GRM8: variants seen among roughly 807,000 people sequenced by gnomAD.
GRM8 encodes the protein glutamate metabotropic receptor 8.
A neutral mutation model predicts 87.2 loss-of-function variants in GRM8; 47 were observed. That is an observed-to-expected ratio of 0.54 (90% CI 0.43 to 0.69). GRM8 has a LOEUF of 0.69. GRM8 is among the 30% of genes least tolerant of loss of function. The pLI is 0.00. For synonymous variants in GRM8, 396 were observed against 404.5 expected (o/e 0.98, Z 0.25); for missense variants, 1,019 against 1,139.2 (o/e 0.89, Z 1.52).
chr7:127,050,992 C>G (rs1253127004), intron 3 of GRM8, among the ~76,000 whole-genome samples: 4 of 151,886 alleles, frequency 2.6e-5, no homozygotes, highest in African/African-American at 9.7e-5. Flanking sequence ...AAATTCCAAG[C>G]TAGTAGATTT....
At chr7:127,025,211 C>A (rs748724568) in intron 3 of GRM8, among the ~76,000 whole-genome samples, 11 of 152,000 alleles carry the variant, frequency 7.2e-5, no homozygotes, top group Non-Finnish European at 1.3e-4. Flanking sequence ...TCTTCCTGTT[C>A]CCAGAACAAG....
chr7:126,988,748 A>G (rs528707473), intron 3 of GRM8, among the ~76,000 whole-genome samples: 4 of 152,372 alleles, frequency 2.6e-5, no homozygotes, highest in Admixed American at 2.6e-4. Context: ...TAACAGGAAC[A>G]TACAAACTAT....
chr7:127,209,557 G>A (rs1431704234), intron 2 of GRM8, among the ~76,000 whole-genome samples: 1 of 152,188 alleles, frequency 6.6e-6, no homozygotes, highest in East Asian at 1.9e-4. Context: ...TGGCAGGAGT[G>A]GAGTGAACCA....
At chr7:127,053,787 CAA>C (rs201005387) in intron 3 of GRM8, among the ~76,000 whole-genome samples, 9,225 of 42,136 alleles carry the variant, frequency 0.22, 379 homozygotes, top group African/African-American at 0.32. Context: ...GACTCTGTCT[CAA>C]AAAAAAAAAG....
At chr7:127,130,468 T>C (rs752182127) in intron 2 of GRM8, among the ~76,000 whole-genome samples, 84 of 152,172 alleles carry the variant, frequency 5.5e-4, no homozygotes, top group Non-Finnish European at 1.8e-4. Context: ...TGGTCTCAGA[T>C]GGAAATAAGG....
rs527383158 is a variant in GRM8, at chr7:126,771,801, A to G, written c.1157-1736T>C. On this transcript the variant is annotated intron_variant, in intron 6 of 10. Transcript: ENST00000339582. ...TGCAGGGGATTCCCTAAAATATCCT[A>G]CTGAAAGTTTTGCAAGTTTGCGAGC... 7.2e-5 allele frequency among the ~76,000 whole-genome samples: 11 copies of G among 152,196 alleles called. No individual in the cohort carries two copies. The East Asian group carries it at 1.9e-3, about 27-fold the overall frequency.
At chr7:126,788,420 A>ACAAAAAAAAAAACAAAAAACAAAAAAC (rs1554492200) in intron 6 of GRM8, among the ~76,000 whole-genome samples, 1 of 81,138 alleles carries the variant, frequency 1.2e-5, no homozygotes, top group Non-Finnish European at 2.3e-5. Flanking sequence ...AAAAAAAAAA[A>ACAAAAAAAAAAACAAAAAACAAAAAAC]AAACCCTTTC....
chr7:127,078,441 C>T (rs1281854594), intron 3 of GRM8, among the ~76,000 whole-genome samples: 1 of 152,250 alleles, frequency 6.6e-6, no homozygotes, highest in Admixed American at 6.5e-5. Flanking sequence ...AGAGCAGCTC[C>T]TCCAATCTTA....
intron 2 of GRM8, among the ~76,000 whole-genome samples, chr7:127,178,569 G>A (rs191251021): frequency 3.3e-3 from 496 of 152,312 alleles, no homozygotes; most frequent in Middle Eastern, 0.01. Context: ...CCAAAGTTAA[G>A]AGGAAGGAAA....
chr7:126,781,091 C>G (rs1330433402), intron 6 of GRM8, among the ~76,000 whole-genome samples: 2 of 152,172 alleles, frequency 1.3e-5, no homozygotes, highest in Admixed American at 6.5e-5. Context: ...AGTATCTGGA[C>G]AGATGCCAGT....
At chr7:126,919,741 C>T (rs539366790) in intron 3 of GRM8, among the ~76,000 whole-genome samples, 2 of 152,248 alleles carry the variant, frequency 1.3e-5, no homozygotes, top group South Asian at 4.2e-4. Context: ...TGATCCTGCT[C>T]AACTTTCCCT....
In GRM8 at chr7:126,838,412, T is replaced by G. The variant is rs529712594; in HGVS notation, c.1156+64130A>C. 1.1e-3 allele frequency among the ~76,000 whole-genome samples: 172 copies of G among 152,232 alleles called. 1 individual carries two copies. Among genetic ancestry groups the G allele is most frequent in the Admixed American group, 9.7e-3 (148 of 15,280 alleles). On this transcript the variant is annotated intron_variant, in intron 6 of 10. Transcript: ENST00000339582. ...ACACTGAGGTACTGAAACTCTGGGG[T>G]TTTTGCACTTATATGCAGAGTTTCC...
At chr7:126,624,859 A>G (rs1800520376) in intron 7 of GRM8, among the ~76,000 whole-genome samples, 1 of 152,232 alleles carries the variant, frequency 6.6e-6, no homozygotes, top group Admixed American at 6.5e-5. Context: ...GGACACTTTG[A>G]GCATCTGCAT....
At chr7:127,183,421 T>C (rs1234604272) in intron 2 of GRM8, among the ~76,000 whole-genome samples, 2 of 151,298 alleles carry the variant, frequency 1.3e-5, no homozygotes, top group Non-Finnish European at 3.0e-5. Flanking sequence ...AAAATGAAGA[T>C]TAAACAACAC....
chr7:126,778,296 G>C (rs1289781646), intron 6 of GRM8, among the ~76,000 whole-genome samples: 1 of 152,112 alleles, frequency 6.6e-6, no homozygotes, highest in African/African-American at 2.4e-5. Flanking sequence ...AAGAGCTCTA[G>C]ATCAGTTCAC....
At chr7:126,659,839 T>C (rs974733407) in intron 7 of GRM8, among the ~76,000 whole-genome samples, 1 of 152,218 alleles carries the variant, frequency 6.6e-6, no homozygotes, top group African/African-American at 2.4e-5. Flanking sequence ...GTAAGACTAA[T>C]CATTTTTCAT....
chr7:126,654,967 C>T (rs1585390927), intron 7 of GRM8, among the ~76,000 whole-genome samples: 2 of 152,028 alleles, frequency 1.3e-5, no homozygotes, highest in Admixed American at 6.5e-5. Flanking sequence ...GGAACTAATG[C>T]AAATAATCAT....
intron 6 of GRM8, among the ~76,000 whole-genome samples, chr7:126,828,752 T>C (rs1795066290): frequency 6.6e-6 from 1 of 152,222 alleles, no homozygotes; most frequent in Non-Finnish European, 1.5e-5. Context: ...AGCTTTTGAA[T>C]GTGTTTGCTC....
In GRM8 at chr7:127,049,105, T is replaced by C. The variant is rs187671725; in HGVS notation, c.727+57391A>G. On this transcript the variant is annotated intron_variant, in intron 3 of 10. Transcript: ENST00000339582. ...ATGACTGGAGTGTTGAATCTTCTTT[T>C]TTAAGCCTGCTGACTGATAGGTAGA... is the stretch of plus-strand genomic sequence containing the variant. Among the ~76,000 whole-genome samples, 303 of 152,318 alleles carry C rather than the reference T, an allele frequency of 2.0e-3. 1 individual carries two copies. The highest frequency in any genetic ancestry group is 6.5e-3 in the African/African-American group (271 of 41,580).
Sources: gnomAD v4.1 joint callset for allele counts (sites outside exome capture counted in the v4.1 genomes callset) on GRCh38, gnomAD v4.1.1 for gene constraint, MANE v1.5 for transcripts, NCBI Gene and HGNC (gene_info 2026-07-23, HGNC 2026-07-21) for gene names.